The following HS6ST3 variants were observed in gnomAD, a reference collection of about 807,000 sequenced individuals.
The protein encoded by HS6ST3 is heparan-sulfate 6-O-sulfotransferase 3.
Under a neutral mutation model 36.7 loss-of-function variants are expected in HS6ST3, and 12 were observed. That is an observed-to-expected ratio of 0.33 (90% CI 0.21 to 0.53). HS6ST3 has a LOEUF of 0.53. Ranked by LOEUF, HS6ST3 falls within the 20% of genes least tolerant of loss-of-function variation. The pLI is 0.95. For missense variants in HS6ST3, 584 were observed against 640.9 expected (o/e 0.91, Z 0.96); for synonymous variants, 240 against 257.5 (o/e 0.93, Z 0.65).
chr13:96,411,116 T>G (rs1170363340), intron 1 of HS6ST3, among the ~76,000 whole-genome samples: 1 of 152,122 alleles, frequency 6.6e-6, no homozygotes, highest in Admixed American at 6.6e-5. Context: ...TTAAAATGAT[T>G]TATGTGTTGA....
At chr13:96,451,283 TA>T (rs35994946) in intron 1 of HS6ST3, among the ~76,000 whole-genome samples, 5 of 152,024 alleles carry the variant, frequency 3.3e-5, no homozygotes, top group East Asian at 1.9e-4. Flanking sequence ...ATTTTACCCT[TA>T]AAAAAAGCCA....
chr13:96,495,268 T>C (rs1357594920), intron 1 of HS6ST3, among the ~76,000 whole-genome samples: 2 of 152,256 alleles, frequency 1.3e-5, no homozygotes, highest in African/African-American at 4.8e-5. Context: ...GAGGATGCCA[T>C]ATCATGAGGA....
intron 1 of HS6ST3, among the ~76,000 whole-genome samples, chr13:96,500,200 G>A (rs1297708233): frequency 6.6e-6 from 1 of 152,080 alleles, no homozygotes; most frequent in Non-Finnish European, 1.5e-5. Context: ...CTTTGTGACT[G>A]GCTTCTTTCA....
At chr13:96,349,878 G>T (rs1437656512) in intron 1 of HS6ST3, among the ~76,000 whole-genome samples, 1 of 152,022 alleles carries the variant, frequency 6.6e-6, no homozygotes, top group East Asian at 1.9e-4. Context: ...GTTCTTATCA[G>T]GAATAAAGGA....
intron 1 of HS6ST3, among the ~76,000 whole-genome samples, chr13:96,546,592 A>C (rs2056198585): frequency 6.6e-6 from 1 of 152,224 alleles, no homozygotes; most frequent in Non-Finnish European, 1.5e-5. Flanking sequence ...TCGTTTTAAA[A>C]TGCCACATAA....
intron 1 of HS6ST3, among the ~76,000 whole-genome samples, chr13:96,754,998 A>T (rs906383435): frequency 2.0e-5 from 3 of 151,036 alleles, no homozygotes; most frequent in Non-Finnish European, 3.0e-5. Flanking sequence ...TACTTTCTTA[A>T]TTTTTTTTTA....
rs1208188958 is a variant in HS6ST3 at position 96,090,148 on chromosome 13, G to C, written c.-715G>C. 6.6e-6 allele frequency among the ~76,000 whole-genome samples: 1 copy of C among 152,046 alleles called. No homozygotes were observed. The highest frequency in any genetic ancestry group is 6.5e-5 in the Admixed American group (1 of 15,270). ...TGTGGCGGTGCCAGCCTGTGTGTGC[G>C]AGTGTGTCTGCGTGCCTGCGCCTGG... On this transcript the variant is annotated 5_prime_UTR_variant, in exon 1 of 2. Transcript: ENST00000376705.
intron 1 of HS6ST3, among the ~76,000 whole-genome samples, chr13:96,797,572 G>A (rs778088429): frequency 3.3e-5 from 5 of 152,200 alleles, no homozygotes; most frequent in Middle Eastern, 3.4e-3. Context: ...CTATGAAATC[G>A]TAGCACATTG....
At chr13:96,318,457 C>T (rs192433447) in intron 1 of HS6ST3, among the ~76,000 whole-genome samples, 1,767 of 152,208 alleles carry the variant, frequency 0.012, 35 homozygotes, top group African/African-American at 0.04. Flanking sequence ...TGCTTGAACC[C>T]GGGAAGCGGA....
chr13:96,136,682 CATATATATATATATATATATATATATAT>C (rs56247662), intron 1 of HS6ST3, among the ~76,000 whole-genome samples: 10 of 130,516 alleles, frequency 7.7e-5, no homozygotes, highest in African/African-American at 2.2e-4. Context: ...TGTTATGAAA[CATATATATATATATATATATATATATAT>C]ATATATATAG....
chr13:96,650,615 A>G (rs997006269), intron 1 of HS6ST3, among the ~76,000 whole-genome samples: 1 of 152,100 alleles, frequency 6.6e-6, no homozygotes, highest in Non-Finnish European at 1.5e-5. Context: ...GAGGAAGTAG[A>G]ACTTGATTTA....
At chr13:96,532,357 C>A (rs1261789502) in intron 1 of HS6ST3, among the ~76,000 whole-genome samples, 7 of 152,214 alleles carry the variant, frequency 4.6e-5, no homozygotes, top group Admixed American at 3.9e-4. Context: ...TAGAAACTTG[C>A]TCAAATTCTT....
chr13:96,464,092 G>A (rs1215459953), intron 1 of HS6ST3, among the ~76,000 whole-genome samples: 4 of 89,512 alleles, frequency 4.5e-5, no homozygotes, highest in Non-Finnish European at 5.7e-5. Context: ...TGAAACTTAA[G>A]TTTGTTTTAT....
chr13:96,271,146 A>G (rs2054717757), intron 1 of HS6ST3, among the ~76,000 whole-genome samples: 1 of 151,718 alleles, frequency 6.6e-6, no homozygotes, highest in African/African-American at 2.4e-5. Context: ...GGTGGTGTAA[A>G]TACTCCCAGC....
At chr13:96,166,359 C>G (rs1166810266) in intron 1 of HS6ST3, among the ~76,000 whole-genome samples, 1 of 152,156 alleles carries the variant, frequency 6.6e-6, no homozygotes, top group Non-Finnish European at 1.5e-5. Flanking sequence ...CTCACTGATA[C>G]AGCCTAACCG....
At chr13:96,545,420 T>C (rs944360834) in intron 1 of HS6ST3, among the ~76,000 whole-genome samples, 1 of 152,176 alleles carries the variant, frequency 6.6e-6, no homozygotes, top group Admixed American at 6.5e-5. Context: ...AAGACTATGC[T>C]TTTGAAAAAC....
At chr13:96,438,196 G>T (rs188447256) in intron 1 of HS6ST3, among the ~76,000 whole-genome samples, 108 of 152,226 alleles carry the variant, frequency 7.1e-4, no homozygotes, top group African/African-American at 2.6e-3. Context: ...GTTCAGACTG[G>T]TTCTTGTGTC....
intron 1 of HS6ST3, among the ~76,000 whole-genome samples, chr13:96,355,413 A>G (rs1354758072): frequency 1.3e-5 from 2 of 150,064 alleles, no homozygotes; most frequent in Admixed American, 6.7e-5. Flanking sequence ...AAACACACAA[A>G]CACACACACA....
intron 1 of HS6ST3, among the ~76,000 whole-genome samples, chr13:96,170,578 GT>G (rs1012038096): frequency 7.9e-5 from 12 of 151,034 alleles, no homozygotes; most frequent in African/African-American, 2.9e-4. Context: ...GGGAGAGAGG[GT>G]TTTTTTTTCA....
Sources: allele counts gnomAD v4.1 joint callset (sites outside exome capture counted in the v4.1 genomes callset), GRCh38; gene constraint gnomAD v4.1.1; transcripts MANE v1.5; gene names NCBI Gene and HGNC (gene_info 2026-07-23, HGNC 2026-07-21).